Variants in SLC4A4 observed in about 807,000 individuals in gnomAD.
The protein encoded by SLC4A4 is solute carrier family 4 member 4, also known as electrogenic sodium bicarbonate cotransporter 1.
SLC4A4 carries 27 observed loss-of-function variants against 111.5 expected under a neutral mutation model. That is an observed-to-expected ratio of 0.24 (90% CI 0.18 to 0.33). The LOEUF (loss-of-function observed/expected upper bound fraction) is 0.33, where lower values mean the gene tolerates loss of function less well. Ranked by LOEUF, SLC4A4 falls within the 10% of genes least tolerant of loss-of-function variation. The pLI is 1.00. For synonymous variants in SLC4A4, 443 were observed against 463.4 expected (o/e 0.96, Z 0.57); for missense variants, 909 against 1,315.5 (o/e 0.69, Z 4.78).
intron 2 of SLC4A4, among the ~76,000 whole-genome samples, chr4:71,113,000 G>T (rs1350976693): frequency 6.6e-6 from 1 of 152,154 alleles, no homozygotes; most frequent in Non-Finnish European, 1.5e-5. Context: ...CCTGCAGTTT[G>T]ATCTTGAAGA....
chr4:71,266,564 T>C (rs1004761183), intron 3 of SLC4A4, among the ~76,000 whole-genome samples: 1 of 152,260 alleles, frequency 6.6e-6, no homozygotes, highest in Non-Finnish European at 1.5e-5. Context: ...GGACTTTTAC[T>C]CTTTTCTCCA....
intron 1 of SLC4A4, among the ~76,000 whole-genome samples, chr4:71,197,171 C>T (rs1746048419): frequency 6.6e-6 from 1 of 152,054 alleles, no homozygotes; most frequent in Non-Finnish European, 1.5e-5. Flanking sequence ...GGTGAGGTCG[C>T]ACCACTGCAC....
intron 1 of SLC4A4, among the ~76,000 whole-genome samples, chr4:71,066,499 C>T (rs1560701690): frequency 6.6e-6 from 1 of 152,104 alleles, no homozygotes; most frequent in African/African-American, 2.4e-5. Context: ...TTACAAAAAT[C>T]CCTGAGATGA....
chr4:71,546,582 T>C lies in SLC4A4; in HGVS notation c.2621+54T>C, dbSNP rs141897706. 3.6e-4 allele frequency: 519 copies of C among 1,457,022 alleles called. 1 individual carries two copies. The African/African-American group carries it at 5.5e-3, about 15-fold the overall frequency. 90.3% of individuals were successfully genotyped at this position (1,457,022 alleles called of 1,614,324 possible). On this transcript the variant is annotated intron_variant, in intron 19 of 25. Transcript: ENST00000264485. The stretch of plus-strand genomic sequence containing the variant: ...CGAAAACACACTGTGCACACATCTA[T>C]GTGGCAATCATAAGGATATGGGCAG...
At chr4:71,229,995 A>G (rs927948500) in intron 1 of SLC4A4, among the ~76,000 whole-genome samples, 1 of 152,152 alleles carries the variant, frequency 6.6e-6, no homozygotes, top group Non-Finnish European at 1.5e-5. Flanking sequence ...CTTGTTCTTT[A>G]TGTGTATGTT....
chr4:71,202,276 C>T (rs964911943), intron 1 of SLC4A4, among the ~76,000 whole-genome samples: 1 of 152,208 alleles, frequency 6.6e-6, no homozygotes, highest in African/African-American at 2.4e-5. Context: ...GTAATGTTCT[C>T]ATGGAGATGC....
At chr4:71,364,067 C>G (rs373778725) in intron 6 of SLC4A4, among the ~76,000 whole-genome samples, 3 of 152,226 alleles carry the variant, frequency 2.0e-5, no homozygotes, top group Non-Finnish European at 2.9e-5. Flanking sequence ...GTCAATCTCT[C>G]TCAGTATTTG....
At chr4:71,297,509 A>AACACACACACACAC (rs61184918) in intron 3 of SLC4A4, among the ~76,000 whole-genome samples, 2 of 132,136 alleles carry the variant, frequency 1.5e-5, no homozygotes, top group South Asian at 2.6e-4. Flanking sequence ...CACACAGACA[A>AACACACACACACAC]ACACACACAC....
intron 3 of SLC4A4, chr4:71,301,256 G>C (rs1163099414): frequency 4.0e-6 from 1 of 249,656 alleles, no homozygotes; most frequent in Non-Finnish European, 7.9e-6. Flanking sequence ...ATATTTACGG[G>C]AAATCAAGTT....
intron 3 of SLC4A4, among the ~76,000 whole-genome samples, chr4:71,328,409 T>G (rs554011423): frequency 5.3e-5 from 8 of 152,132 alleles, no homozygotes; most frequent in African/African-American, 1.9e-4. Context: ...ACTTCCACGC[T>G]ATTCTCCATA....
At chr4:71,398,150 T>C (rs978851361) in intron 7 of SLC4A4, among the ~76,000 whole-genome samples, 4 of 151,916 alleles carry the variant, frequency 2.6e-5, no homozygotes, top group Admixed American at 6.6e-5. Context: ...CCAGGCACGG[T>C]GGCACAGGGC....
intron 6 of SLC4A4, among the ~76,000 whole-genome samples, chr4:71,362,203 G>A (rs1436557563): frequency 6.6e-6 from 1 of 152,130 alleles, no homozygotes; most frequent in African/African-American, 2.4e-5. Flanking sequence ...GCCTTCCAAG[G>A]TCTGGGAGTA....
chr4:71,333,844 G>GCTCAAGCTGGCTGTTCAGTCAAGT (rs1195909520), intron 3 of SLC4A4, among the ~76,000 whole-genome samples: 1 of 145,754 alleles, frequency 6.9e-6, no homozygotes, highest in Non-Finnish European at 1.5e-5. Context: ...TTCAGTCAAG[G>GCTCAAGCTGGCTGTTCAGTCAAGT]CTCAAGCTGG....
rs1048332452 is a variant in SLC4A4, at chr4:71,258,985, C to T, written c.253+3586C>T. 2.6e-5 allele frequency among the ~76,000 whole-genome samples: 4 copies of T among 152,276 alleles called. No individual in the cohort carries two copies. The South Asian group carries it at 8.3e-4, about 32-fold the overall frequency. On this transcript the variant is annotated intron_variant, in intron 3 of 25. Coordinates refer to ENST00000264485, the MANE Select transcript of SLC4A4 (RefSeq NM_001098484.3). ...AGAAGCCATATTAAGGTGACATGAG[C>T]TGGCACCGTGGCACATGCCTATAGT...
At chr4:71,364,498 C>G (rs1314062162) in intron 6 of SLC4A4, among the ~76,000 whole-genome samples, 1 of 152,114 alleles carries the variant, frequency 6.6e-6, no homozygotes, top group Non-Finnish European at 1.5e-5. Context: ...GCTGGCAAGT[C>G]CAAGATCTAG....
chr4:71,152,953 A>G (rs1454469133), intron 2 of SLC4A4, among the ~76,000 whole-genome samples: 1 of 146,604 alleles, frequency 6.8e-6, no homozygotes, highest in Non-Finnish European at 1.5e-5. Context: ...TCCTATATAT[A>G]TGTGTGTGTG....
At chr4:71,410,396 G>A (rs902834222) in intron 7 of SLC4A4, among the ~76,000 whole-genome samples, 6 of 152,194 alleles carry the variant, frequency 3.9e-5, no homozygotes, top group Non-Finnish European at 8.8e-5. Flanking sequence ...GAAAACTGGA[G>A]TCAGAGGAGA....
intron 7 of SLC4A4, among the ~76,000 whole-genome samples, chr4:71,413,592 T>C (rs1721584896): frequency 6.6e-6 from 1 of 152,204 alleles, no homozygotes; most frequent in Admixed American, 6.5e-5. Context: ...AATGGCTTTT[T>C]TGAAAAAAAG....
intron 1 of SLC4A4, among the ~76,000 whole-genome samples, chr4:71,072,809 C>G (rs1430468327): frequency 2.0e-5 from 3 of 151,692 alleles, no homozygotes; most frequent in Non-Finnish European, 2.9e-5. Flanking sequence ...GCTCTGTTGC[C>G]CAGGCTGGAG....
Sources: allele counts gnomAD v4.1 joint callset (sites outside exome capture counted in the v4.1 genomes callset), GRCh38; gene constraint gnomAD v4.1.1; transcripts MANE v1.5; gene names NCBI Gene and HGNC (gene_info 2026-07-23, HGNC 2026-07-21).